Variants in GRIN2A observed in about 807,000 individuals in gnomAD.
GRIN2A encodes the protein glutamate receptor ionotropic, NMDA 2A.
Under a neutral mutation model 113.4 loss-of-function variants are expected in GRIN2A, and 22 were observed. The observed-to-expected ratio is 0.19, with a 90% CI of 0.14 to 0.28. The LOEUF (loss-of-function observed/expected upper bound fraction) is 0.28. GRIN2A is among the 10% of genes least tolerant of loss of function. The pLI is 1.00. For missense variants in GRIN2A, 1,502 were observed against 1,887.0 expected (o/e 0.80, Z 3.78); for synonymous variants, 827 against 738.4 (o/e 1.12, Z -1.94).
chr16:9,767,836 A>G (rs139626918), intron 12 of GRIN2A, among the ~76,000 whole-genome samples: 1 of 152,298 alleles, frequency 6.6e-6, no homozygotes. Flanking sequence ...GTGCTATTGC[A>G]TTCCACATGC....
intron 4 of GRIN2A, among the ~76,000 whole-genome samples, chr16:9,869,358 G>A (rs569668546): frequency 2.0e-5 from 3 of 152,204 alleles, no homozygotes; most frequent in Admixed American, 1.3e-4. Flanking sequence ...ACTTTAACCC[G>A]AGAGGAAGAG....
intron 11 of GRIN2A, among the ~76,000 whole-genome samples, chr16:9,770,292 T>C (rs146236373): frequency 1.1e-3 from 175 of 152,300 alleles, no homozygotes; most frequent in African/African-American, 3.8e-3. Flanking sequence ...TAAGATGTAA[T>C]GGGGACATGC....
At chr16:10,090,576 G>C (rs947053191) in intron 2 of GRIN2A, among the ~76,000 whole-genome samples, 3 of 150,968 alleles carry the variant, frequency 2.0e-5, no homozygotes, top group African/African-American at 7.3e-5. Flanking sequence ...AAACTATAAG[G>C]CTCCTTGAAA....
chr16:10,058,498 T>A (rs533468532), intron 2 of GRIN2A, among the ~76,000 whole-genome samples: 1 of 152,208 alleles, frequency 6.6e-6, no homozygotes, highest in Non-Finnish European at 1.5e-5. Context: ...TTCTGAAATA[T>A]CTACAACAAT....
chr16:10,150,233 C>T (rs552870125), intron 2 of GRIN2A, among the ~76,000 whole-genome samples: 1 of 152,304 alleles, frequency 6.6e-6, no homozygotes, highest in African/African-American at 2.4e-5. Context: ...TTTCGCTAAA[C>T]TTAATAATTC....
chr16:10,143,330 G>T (rs1027378842), intron 2 of GRIN2A, among the ~76,000 whole-genome samples: 1 of 152,124 alleles, frequency 6.6e-6, no homozygotes, highest in African/African-American at 2.4e-5. Context: ...ATTTTAGATG[G>T]TGCAGGGATA....
At chr16:10,072,163 A>G (rs2047765586) in intron 2 of GRIN2A, among the ~76,000 whole-genome samples, 2 of 152,212 alleles carry the variant, frequency 1.3e-5, no homozygotes, top group African/African-American at 2.4e-5. Context: ...GTGAGCAAAG[A>G]TGTCTCAAGT....
chr16:10,121,073 T>C (rs1392382464), intron 2 of GRIN2A, among the ~76,000 whole-genome samples: 1 of 152,148 alleles, frequency 6.6e-6, no homozygotes, highest in Non-Finnish European at 1.5e-5. Context: ...GGACTGGATA[T>C]ACTTTCATCG....
intron 4 of GRIN2A, among the ~76,000 whole-genome samples, chr16:9,887,305 C>T (rs1366439183): frequency 1.3e-5 from 2 of 152,158 alleles, no homozygotes; most frequent in East Asian, 1.9e-4. Flanking sequence ...GCCATCACTC[C>T]AGAAAATTCC....
chr16:9,882,742 G>C (rs2043505551), intron 4 of GRIN2A, among the ~76,000 whole-genome samples: 1 of 152,114 alleles, frequency 6.6e-6, no homozygotes, highest in South Asian at 2.1e-4. Flanking sequence ...GGATATGATT[G>C]TGCCTGCACT....
intron 2 of GRIN2A, among the ~76,000 whole-genome samples, chr16:10,056,153 C>T (rs1188309831): frequency 6.6e-6 from 1 of 152,186 alleles, no homozygotes; most frequent in African/African-American, 2.4e-5. Context: ...CAGTGTCATA[C>T]TAATAACAGA....
chr16:9,867,444 T>A (rs1462423637), intron 4 of GRIN2A, among the ~76,000 whole-genome samples: 1 of 152,160 alleles, frequency 6.6e-6, no homozygotes, highest in African/African-American at 2.4e-5. Flanking sequence ...CAAACTCACC[T>A]GCCTCTGCAC....
At chr16:9,907,998 T>C (rs959191858) in intron 3 of GRIN2A, among the ~76,000 whole-genome samples, 8 of 152,190 alleles carry the variant, frequency 5.3e-5, no homozygotes, top group South Asian at 2.1e-4. Flanking sequence ...GGAGCAGATT[T>C]TCATCTGGCC....
intron 3 of GRIN2A, among the ~76,000 whole-genome samples, chr16:9,931,041 C>T (rs2044580132): frequency 6.6e-6 from 1 of 152,132 alleles, no homozygotes; most frequent in Non-Finnish European, 1.5e-5. Flanking sequence ...CAATGAAGGC[C>T]AAATAACTTC....
chr16:9,928,947 G>A (rs1461104024), intron 3 of GRIN2A, among the ~76,000 whole-genome samples: 1 of 152,194 alleles, frequency 6.6e-6, no homozygotes, highest in Non-Finnish European at 1.5e-5. Context: ...GGCCTACTAC[G>A]ATGTCTATCA....
intron 3 of GRIN2A, among the ~76,000 whole-genome samples, chr16:9,926,398 C>T (rs930810318): frequency 1.3e-5 from 2 of 152,174 alleles, no homozygotes; most frequent in Non-Finnish European, 2.9e-5. Flanking sequence ...AAAATCATAT[C>T]CCAGCAGTGC....
At chr16:9,811,930 A>G (rs1349373747) in intron 10 of GRIN2A, among the ~76,000 whole-genome samples, 1 of 152,084 alleles carries the variant, frequency 6.6e-6, no homozygotes, top group African/African-American at 2.4e-5. Flanking sequence ...TGCTCCACAC[A>G]TTCATTTATT....
intron 4 of GRIN2A, among the ~76,000 whole-genome samples, chr16:9,887,788 G>T (rs193234850): frequency 6.6e-6 from 1 of 152,180 alleles, no homozygotes; most frequent in Non-Finnish European, 1.5e-5. Context: ...GGCCAGGCGC[G>T]TGGCTCACGC....
At chr16:10,135,350 C>A (rs1048420435) in intron 2 of GRIN2A, among the ~76,000 whole-genome samples, 4 of 152,186 alleles carry the variant, frequency 2.6e-5, no homozygotes, top group South Asian at 2.1e-4. Flanking sequence ...TAGGTAGTCT[C>A]TAAAATGATG....
Sources: allele counts gnomAD v4.1 joint callset (sites outside exome capture counted in the v4.1 genomes callset), GRCh38; gene constraint gnomAD v4.1.1; transcripts MANE v1.5; gene names NCBI Gene and HGNC (gene_info 2026-07-23, HGNC 2026-07-21).